Variants in USP28 observed in about 807,000 individuals in gnomAD.
USP28 encodes ubiquitin carboxyl-terminal hydrolase 28.
USP28 carries 113 observed loss-of-function variants against 145.0 expected under a neutral mutation model. That is an observed-to-expected ratio of 0.78 (90% CI 0.67 to 0.91). The LOEUF (loss-of-function observed/expected upper bound fraction) is 0.91. USP28 is among the 40% of genes least tolerant of loss of function. USP28 has a pLI of 0.00. For synonymous variants in USP28, 447 were observed against 450.9 expected, an observed-to-expected ratio of 0.99 and a Z score of 0.11; for missense variants, 1,201 against 1,289.6, an observed-to-expected ratio of 0.93 and a Z score of 1.05.
exon 7 of USP28, chr11:113,833,464 G>C (rs776165562): frequency 6.2e-7 from 1 of 1,614,154 alleles, no homozygotes; most frequent in East Asian, 2.2e-5. Context: ...AATAGATCCA[G>C]GGCTGCAGAC....
At chr11:113,867,209 C>T (rs555216286) in intron 1 of USP28, among the ~76,000 whole-genome samples, 11 of 151,854 alleles carry the variant, frequency 7.2e-5, no homozygotes, top group East Asian at 5.8e-4. Context: ...TAGAACTAGA[C>T]GGAATTGGTG....
chr11:113,852,662 CA>C, intron 2 of USP28, 29 bp from the exon 3 acceptor site: 2 of 1,609,916 alleles, frequency 1.2e-6, no homozygotes, highest in Non-Finnish European at 1.7e-6. Flanking sequence ...ATAGAAATTT[CA>C]AAAGTAATCA....
chr11:113,798,401 T>G (rs1938332555), exon 25 of USP28: 1 of 150,224 alleles, frequency 6.7e-6, no homozygotes, highest in African/African-American at 2.5e-5. Context: ...GGCGACACAG[T>G]GAAACTGTCA....
intron 1 of USP28, among the ~76,000 whole-genome samples, chr11:113,873,620 T>C (rs758126913): frequency 3.3e-5 from 5 of 152,234 alleles, no homozygotes; most frequent in African/African-American, 7.2e-5. Flanking sequence ...TCCCTTAAAA[T>C]AGTCTCTTCT....
intron 1 of USP28, among the ~76,000 whole-genome samples, chr11:113,866,491 A>G (rs1591500481): frequency 6.6e-6 from 1 of 152,246 alleles, no homozygotes; most frequent in African/African-American, 2.4e-5. Context: ...AAGAACTTAA[A>G]AAGATATTTC....
At chr11:113,867,021 C>A (rs148420957) in intron 1 of USP28, among the ~76,000 whole-genome samples, 1 of 152,070 alleles carries the variant, frequency 6.6e-6, no homozygotes, top group African/African-American at 2.4e-5. Context: ...TTACAATAAA[C>A]GACAGATGCC....
At chr11:113,872,028 G>GT (rs1484686370) in intron 1 of USP28, among the ~76,000 whole-genome samples, 1 of 152,198 alleles carries the variant, frequency 6.6e-6, no homozygotes, top group Admixed American at 6.5e-5. Context: ...ATGGAGTTGT[G>GT]TAAGTACTGA....
intron 18 of USP28, chr11:113,808,116 C>T: frequency 6.7e-7 from 1 of 1,501,040 alleles, no homozygotes; most frequent in Non-Finnish European, 8.8e-7. Flanking sequence ...GCATGGGCTT[C>T]TTGGGTTCAG....
intron 5 of USP28, among the ~76,000 whole-genome samples, chr11:113,839,738 C>T (rs537115589): frequency 5.3e-5 from 8 of 151,780 alleles, no homozygotes; most frequent in South Asian, 2.1e-4. Context: ...AAAAATTAGC[C>T]GGGTGGCCAG....
chr11:113,829,154 C>A, intron 10 of USP28, 43 bp downstream of exon 10: 1 of 1,601,586 alleles, frequency 6.2e-7, no homozygotes, highest in Non-Finnish European at 8.5e-7. Flanking sequence ...TCCTACTTAA[C>A]TGGCTTTGTC....
intron 2 of USP28, among the ~76,000 whole-genome samples, chr11:113,853,857 C>T (rs563892342): frequency 1.5e-5 from 2 of 133,328 alleles, no homozygotes; most frequent in Non-Finnish European, 3.1e-5. Context: ...CCAGCCTGGG[C>T]ATCAGAGTGA....
intron 1 of USP28, among the ~76,000 whole-genome samples, chr11:113,863,564 G>A (rs1340012831): frequency 6.6e-6 from 1 of 151,026 alleles, no homozygotes; most frequent in African/African-American, 2.4e-5. Flanking sequence ...AGGATTGCTT[G>A]AGCCCAGAAG....
At chr11:113,815,524 C>G (rs1227510946) in intron 13 of USP28, 142 bp from the exon 14 acceptor site, 1 of 726,756 alleles carries the variant, frequency 1.4e-6, no homozygotes, top group East Asian at 2.7e-5. Flanking sequence ...CAGAGCCAAC[C>G]TTTTTCTCTA....
chr11:113,873,219 A>G (rs1266957590), intron 1 of USP28, among the ~76,000 whole-genome samples: 2 of 152,250 alleles, frequency 1.3e-5, no homozygotes, highest in South Asian at 2.1e-4. Flanking sequence ...ATCAAAAGGT[A>G]CTTTTCCTGT....
At chr11:113,827,212 A>T in intron 11 of USP28, 21 bp downstream of exon 11, 6 of 1,588,884 alleles carry the variant, frequency 3.8e-6, no homozygotes, top group Non-Finnish European at 5.1e-6. Context: ...CAGGAAAAAA[A>T]AAAATCAGCC....
chr11:113,818,902 A>C (rs1942174378), intron 12 of USP28, among the ~76,000 whole-genome samples: 2 of 151,852 alleles, frequency 1.3e-5, no homozygotes. Context: ...AAAACAAAGA[A>C]GACAAGACAT....
intron 3 of USP28, among the ~76,000 whole-genome samples, chr11:113,847,382 G>A (rs1367601482): frequency 1.5e-5 from 2 of 130,858 alleles, no homozygotes; most frequent in Non-Finnish European, 3.1e-5. Flanking sequence ...CCAAACTCCA[G>A]AATGTGTGAA....
chr11:113,843,947 C>G (rs1945518100), intron 3 of USP28, among the ~76,000 whole-genome samples: 1 of 152,112 alleles, frequency 6.6e-6, no homozygotes, highest in Non-Finnish European at 1.5e-5. Context: ...GAACCCCTAC[C>G]TAGCCCCACA....
At chr11:113,854,642 C>T (rs889547828) in intron 1 of USP28, among the ~76,000 whole-genome samples, 7 of 152,156 alleles carry the variant, frequency 4.6e-5, no homozygotes, top group African/African-American at 1.7e-4. Context: ...CCTCGTGATC[C>T]ACCCGCCTAG....
Sources: gnomAD v4.1 joint callset for allele counts (sites outside exome capture counted in the v4.1 genomes callset) on GRCh38, gnomAD v4.1.1 for gene constraint, MANE v1.5 for transcripts, NCBI Gene and HGNC (gene_info 2026-07-23, HGNC 2026-07-21) for gene names.